YWHAE: variants seen among roughly 807,000 people sequenced by gnomAD.
YWHAE encodes 14-3-3 protein epsilon.
Under a neutral mutation model 30.1 loss-of-function variants are expected in YWHAE, and 4 were observed. The observed-to-expected ratio is 0.13, with a 90% CI of 0.07 to 0.30. The LOEUF is 0.30. Ranked by LOEUF, YWHAE falls within the 10% of genes least tolerant of loss-of-function variation. The pLI is 1.00. For missense variants in YWHAE, 121 were observed against 315.9 expected, an observed-to-expected ratio of 0.38 and a Z score of 4.68; for synonymous variants, 118 against 111.8, an observed-to-expected ratio of 1.06 and a Z score of -0.35.
intron 1 of YWHAE, among the ~76,000 whole-genome samples, chr17:1,372,474 C>T (rs879475197): frequency 4.6e-5 from 7 of 152,218 alleles, no homozygotes; most frequent in African/African-American, 7.2e-5. Flanking sequence ...GCTTTCAGAC[C>T]GTGTCTCGGC....
At chr17:1,369,568 A>G (rs1212413757) in intron 1 of YWHAE, 1 of 152,140 alleles carries the variant, frequency 6.6e-6, no homozygotes, top group African/African-American at 2.4e-5. Context: ...ATAATTTTAG[A>G]TTTTCATCAC....
intron 1 of YWHAE, among the ~76,000 whole-genome samples, chr17:1,393,409 G>A (rs149022759): frequency 6.6e-6 from 1 of 151,996 alleles, no homozygotes; most frequent in African/African-American, 2.4e-5. Flanking sequence ...CCATATCCCA[G>A]TACAGACATT....
At chr17:1,380,536 G>A (rs190914610) in intron 1 of YWHAE, among the ~76,000 whole-genome samples, 89 of 150,424 alleles carry the variant, frequency 5.9e-4, no homozygotes, top group South Asian at 4.1e-3. Flanking sequence ...TGAGATTGTA[G>A]AGTAAATTGT....
At chr17:1,382,477 C>T (rs1328440073) in intron 1 of YWHAE, among the ~76,000 whole-genome samples, 2 of 151,666 alleles carry the variant, frequency 1.3e-5, no homozygotes, top group African/African-American at 4.8e-5. Flanking sequence ...CTGCTTCAGC[C>T]TCCCAAGTAG....
intron 1 of YWHAE, among the ~76,000 whole-genome samples, chr17:1,382,800 G>A (rs1227370594): frequency 9.9e-5 from 15 of 152,104 alleles, no homozygotes; most frequent in African/African-American, 2.7e-4. Context: ...TGAGGCCAGC[G>A]GATCACTTGA....
At chr17:1,351,117 T>C (rs903118943) in intron 5 of YWHAE, among the ~76,000 whole-genome samples, 10 of 151,538 alleles carry the variant, frequency 6.6e-5, no homozygotes, top group Non-Finnish European at 1.5e-4. Flanking sequence ...TCCCAGCGCT[T>C]TGGGAGGCCG....
At chr17:1,373,699 A>G (rs532089286) in intron 1 of YWHAE, among the ~76,000 whole-genome samples, 1 of 152,006 alleles carries the variant, frequency 6.6e-6, no homozygotes, top group South Asian at 2.1e-4. Flanking sequence ...GAAATACTGC[A>G]CAAGGTACCA....
chr17:1,398,390 G>C lies in YWHAE; in HGVS notation c.64+1657C>G, dbSNP rs148668375. On this transcript the variant is annotated intron_variant, in intron 1 of 5. Coordinates refer to ENST00000264335, the MANE Select transcript of YWHAE (RefSeq NM_006761.5). ...CAAATAGCAATTTAAGAATTTACAA[G>C]ACGAAATTTAGTTCACTATATTTCC... 6.4e-3 allele frequency among the ~76,000 whole-genome samples: 910 copies of C among 141,456 alleles called. 10 individuals are homozygous for C. Among genetic ancestry groups the C allele is most frequent in the African/African-American group, 0.022 (837 of 38,428 alleles). The allele number at this position is 141,456 out of a possible 152,430, so 92.8% of individuals were successfully genotyped here. A position where few individuals can be genotyped will look rare whatever the true frequency, so the allele number is the denominator to read the frequency against.
intron 1 of YWHAE, 29 bp from the exon 2 acceptor site, chr17:1,365,087 T>C (rs768768135): frequency 3.1e-6 from 5 of 1,598,932 alleles, no homozygotes; most frequent in Non-Finnish European, 4.3e-6. Flanking sequence ...AGTCAGACCT[T>C]ACAAATTTGA....
At chr17:1,370,865 T>G (rs2073031682) in intron 1 of YWHAE, among the ~76,000 whole-genome samples, 1 of 151,454 alleles carries the variant, frequency 6.6e-6, no homozygotes. Flanking sequence ...CCGGGCATGG[T>G]GGCGGGCGCC....
chr17:1,376,339 GAC>G (rs2073121772), intron 1 of YWHAE, among the ~76,000 whole-genome samples: 1 of 151,534 alleles, frequency 6.6e-6, no homozygotes, highest in Admixed American at 6.6e-5. Flanking sequence ...AAGACAGAAA[GAC>G]AGACAGAAAG....
chr17:1,369,620 A>C (rs2072999037), intron 1 of YWHAE: 1 of 152,102 alleles, frequency 6.6e-6, no homozygotes, highest in African/African-American at 2.4e-5. Context: ...ATCAATTCCC[A>C]TGTACCCGAA....
intron 5 of YWHAE, 145 bp from the exon 6 acceptor site, chr17:1,345,644 T>C (rs1253535103): frequency 3.8e-6 from 3 of 781,418 alleles, no homozygotes; most frequent in Non-Finnish European, 4.2e-6. Flanking sequence ...TCTATCATCC[T>C]TGACACCTGA....
At chr17:1,378,715 C>A (rs556729099) in intron 1 of YWHAE, among the ~76,000 whole-genome samples, 26 of 152,274 alleles carry the variant, frequency 1.7e-4, no homozygotes, top group African/African-American at 6.3e-4. Context: ...GAGGCCAAGG[C>A]GGGTGGATCA....
intron 5 of YWHAE, among the ~76,000 whole-genome samples, chr17:1,348,858 C>A (rs1437416527): frequency 6.6e-6 from 1 of 150,394 alleles, no homozygotes; most frequent in African/African-American, 2.5e-5. Context: ...CCCGCCTCTA[C>A]TAAAAATACA....
At chr17:1,379,996 G>A (rs1003756055) in intron 1 of YWHAE, among the ~76,000 whole-genome samples, 2 of 151,962 alleles carry the variant, frequency 1.3e-5, no homozygotes, top group African/African-American at 2.4e-5. Flanking sequence ...CACATACCAC[G>A]TGCACTTTTA....
intron 1 of YWHAE, 194 bp downstream of exon 1, chr17:1,399,853 G>A (rs1238853283): frequency 7.8e-6 from 5 of 641,872 alleles, no homozygotes; most frequent in African/African-American, 3.7e-5. Flanking sequence ...AGTTAAGGAC[G>A]GCGAAGGGGT....
intron 1 of YWHAE, among the ~76,000 whole-genome samples, chr17:1,390,199 T>A (rs943757689): frequency 1.2e-4 from 19 of 152,200 alleles, no homozygotes; most frequent in African/African-American, 4.6e-4. Flanking sequence ...GGTGTTACGT[T>A]TGCTAAGGAG....
At chr17:1,347,653 T>C (rs909671708) in intron 5 of YWHAE, among the ~76,000 whole-genome samples, 2 of 152,130 alleles carry the variant, frequency 1.3e-5, no homozygotes, top group Non-Finnish European at 2.9e-5. Context: ...GGAAACATGA[T>C]AGGAACATTC....
Sources: allele counts gnomAD v4.1 joint callset (sites outside exome capture counted in the v4.1 genomes callset), GRCh38; gene constraint gnomAD v4.1.1; transcripts MANE v1.5; gene names NCBI Gene and HGNC (gene_info 2026-07-23, HGNC 2026-07-21).